Variants in SMIM5 observed in about 807,000 individuals in gnomAD.
SMIM5 encodes small integral membrane protein 5.
In SMIM5, 4 loss-of-function variants were observed where a neutral mutation model predicts 4.0. The ratio of observed to expected loss-of-function variants is 1.01; its 90% CI spans 0.50 to 2.30. The LOEUF is 2.30. Ranked by LOEUF, SMIM5 falls within the 30% of genes most tolerant of loss-of-function variation. SMIM5 has a pLI of 0.02. For missense variants in SMIM5, 107 were observed against 99.2 expected (o/e 1.08, Z -0.34); for synonymous variants, 46 against 43.6 (o/e 1.05, Z -0.22).
At chr17:75,635,690 T>C in intron 1 of SMIM5, 1 of 656,164 alleles carries the variant, frequency 1.5e-6, no homozygotes, top group Non-Finnish European at 1.9e-6. Context: ...TGCCTCCTTC[T>C]AGGTGGACCT....
Position 75,633,959 on chromosome 17 carries a change from G to A in SMIM5, c.-280G>A. On this transcript the variant is annotated 5_prime_UTR_variant, in exon 1 of 3. Coordinates refer to ENST00000375215, the MANE Select transcript of SMIM5 (RefSeq NM_001162995.3). ...CAGAGGTGAGGCACCGGGACATGAAGTTGGAGGACAAGTTCCCAAGCAGGG... is the reference window on the plus strand; with the variant it reads ...CAGAGGTGAGGCACCGGGACATGAAATTGGAGGACAAGTTCCCAAGCAGGG... 1.0e-6 allele frequency: 1 copy of A among 985,590 alleles called. No individual in the cohort carries two copies. The highest frequency in any genetic ancestry group is 1.2e-6 in the Non-Finnish European group (1 of 829,972). The allele number at this position is 985,590 out of a possible 1,614,324, so 61.1% of individuals were successfully genotyped here.
Position 75,641,049 on chromosome 17 carries a change from G to C in SMIM5, c.*152G>C. 7.3e-7 allele frequency: 1 copy of C among 1,365,584 alleles called. No individual in the cohort carries two copies. The allele number at this position is 1,365,584 out of a possible 1,614,324, so 84.6% of individuals were successfully genotyped here. A position where few individuals can be genotyped will look rare whatever the true frequency, so the allele number is the denominator to read the frequency against. ...CCAGGTACCTGGACACTGACAACTT[G>C]AGCCCTACCAAGGAAACAAGGGCTG... On this transcript the variant is annotated 3_prime_UTR_variant, in exon 3 of 3. Coordinates refer to ENST00000375215, the MANE Select transcript of SMIM5 (RefSeq NM_001162995.3).
Position 75,640,926 on chromosome 17 carries a change from G to A in SMIM5, c.*29G>A, listed in dbSNP as rs991006267. On this transcript the variant is annotated 3_prime_UTR_variant, in exon 3 of 3. Coordinates refer to ENST00000375215, the MANE Select transcript of SMIM5 (RefSeq NM_001162995.3). The surrounding 1 kb of genome is among the most constrained non-coding windows in gnomAD (Gnocchi z 4.6). ...ACGGGCGATGGCTGAGGAGAAGCTG[G>A]AGAGGAGATGGCCAATGCCATGACA... 6 of 1,538,024 alleles carry A rather than the reference G, an allele frequency of 3.9e-6. No individual in the cohort carries two copies. The highest frequency in any genetic ancestry group is 5.2e-6 in the Non-Finnish European group (6 of 1,145,856).
At position 75,640,999 on chromosome 17, in the gene SMIM5, C is replaced by T. The variant is rs1465815838; in HGVS notation, c.*102C>T. 2.0e-6 allele frequency: 3 copies of T among 1,485,116 alleles called. No homozygotes were observed. Among genetic ancestry groups the T allele is most frequent in the East Asian group, 2.5e-5 (1 of 39,954 alleles). The allele number at this position is 1,485,116 out of a possible 1,614,324, so 92.0% of individuals were successfully genotyped here. ...AGCCCTTACCCCTCAAGACCAGGCT[C>T]CCCTGGCCCCAGCTCTGGCCCAGCC... On this transcript the variant is annotated 3_prime_UTR_variant, in exon 3 of 3. Coordinates refer to ENST00000375215, the MANE Select transcript of SMIM5 (RefSeq NM_001162995.3). This position sits in a 1 kb window ranked among gnomAD's most constrained non-coding sequence, Gnocchi z 4.6.
intron 1 of SMIM5, chr17:75,638,073 G>C (rs2059361034): frequency 6.6e-6 from 1 of 152,210 alleles, no homozygotes; most frequent in South Asian, 2.1e-4. Context: ...ACTCACTCCA[G>C]GTGAGGTGTG....
rs556328743 is a variant in SMIM5, at chr17:75,634,125, C to G, written c.-114C>G. On this transcript the variant is annotated 5_prime_UTR_variant, in exon 1 of 3. Coordinates refer to ENST00000375215, the MANE Select transcript of SMIM5 (RefSeq NM_001162995.3). ...GCGCCCAGGGGAGCAGCGGCGCCCA[C>G]GAAGGAAGTACGAGGACAGCACGTG... 2.0e-6 allele frequency: 2 copies of G among 985,378 alleles called. No individual in the cohort carries two copies. The highest frequency in any genetic ancestry group is 3.5e-5 in the African/African-American group (2 of 57,240). The allele number at this position is 985,378 out of a possible 1,614,324, so 61.0% of individuals were successfully genotyped here.
chr17:75,635,693 G>T, intron 1 of SMIM5: 1 of 685,508 alleles, frequency 1.5e-6, no homozygotes. Flanking sequence ...CTCCTTCTAG[G>T]TGGACCTCAA....
chr17:75,640,927 A>G lies in SMIM5; in HGVS notation c.*30A>G. ...CGGGCGATGGCTGAGGAGAAGCTGG[A>G]GAGGAGATGGCCAATGCCATGACAC... On this transcript the variant is annotated 3_prime_UTR_variant, in exon 3 of 3. Coordinates refer to ENST00000375215, the MANE Select transcript of SMIM5 (RefSeq NM_001162995.3). This position sits in a 1 kb window ranked among gnomAD's most constrained non-coding sequence, Gnocchi z 4.6. The G allele has an allele frequency of 6.5e-7, 1 of 1,537,966 alleles. No individual in the cohort carries two copies. The highest frequency in any genetic ancestry group is 8.7e-7 in the Non-Finnish European group (1 of 1,145,812).
At position 75,640,066 on chromosome 17, in the gene SMIM5, T is replaced by C. The variant is rs1000333509; in HGVS notation, c.-36-100T>C. On this transcript the variant is annotated intron_variant, in intron 1 of 2. Coordinates refer to ENST00000375215, the MANE Select transcript of SMIM5 (RefSeq NM_001162995.3). This position sits in a 1 kb window ranked among gnomAD's most constrained non-coding sequence, Gnocchi z 4.6. Reference sequence around the variant, plus strand: ...TGCAATGTGTGAGACCTGACAAACTTGTTCTGCGGGCTGCGGATGGGTGCG... The same window carrying C: ...TGCAATGTGTGAGACCTGACAAACTCGTTCTGCGGGCTGCGGATGGGTGCG... 5 of 1,292,120 alleles carry C rather than the reference T, an allele frequency of 3.9e-6. No individual in the cohort carries two copies. In the African/African-American group the frequency reaches 4.5e-5, roughly 12 times the overall value. The allele number at this position is 1,292,120 out of a possible 1,614,324, so 80.0% of individuals were successfully genotyped here.
intron 1 of SMIM5, chr17:75,639,882 A>C (rs954341916): frequency 1.4e-5 from 4 of 277,936 alleles, no homozygotes; most frequent in Non-Finnish European, 2.7e-5. Context: ...AAGACAAGGG[A>C]ATGGAACAGC....
rs1412007664 is a variant in SMIM5, at chr17:75,640,503, G to A, written c.127+175G>A. 1.3e-5 allele frequency among the ~76,000 whole-genome samples: 2 copies of A among 152,130 alleles called. No homozygotes were observed. Among genetic ancestry groups the A allele is most frequent in the African/African-American group, 4.8e-5 (2 of 41,438 alleles). On this transcript the variant is annotated intron_variant, in intron 2 of 2. Transcript: ENST00000375215. This position sits in a 1 kb window ranked among gnomAD's most constrained non-coding sequence, Gnocchi z 4.6. ...CCCTCATCCTCTGATATGCTGCTTGGGTGATGGGCGGTGCTGGGGACTGGG... is the reference window on the plus strand; with the variant it reads ...CCCTCATCCTCTGATATGCTGCTTGAGTGATGGGCGGTGCTGGGGACTGGG...
In SMIM5 at chr17:75,640,145, G is replaced by T; in HGVS notation, c.-36-21G>T. 6.7e-7 allele frequency: 1 copy of T among 1,495,392 alleles called. No individual in the cohort carries two copies. Among genetic ancestry groups the T allele is most frequent in the South Asian group, 1.3e-5 (1 of 77,060 alleles). 92.6% of individuals were successfully genotyped at this position (1,495,392 alleles called of 1,614,324 possible). ...GTGGGGCCAGCCGTGGAGGCTCCAGGTGTTCTCTCTGCCCCAGCAGAGCCC... is the reference window on the plus strand; with the variant it reads ...GTGGGGCCAGCCGTGGAGGCTCCAGTTGTTCTCTCTGCCCCAGCAGAGCCC... On this transcript the variant is annotated intron_variant, in intron 1 of 2. Coordinates refer to ENST00000375215, the MANE Select transcript of SMIM5 (RefSeq NM_001162995.3). This position sits in a 1 kb window ranked among gnomAD's most constrained non-coding sequence, Gnocchi z 4.6.
At chr17:75,639,502 G>A (rs1231191386) in intron 1 of SMIM5, 1 of 152,236 alleles carries the variant, frequency 6.6e-6, no homozygotes, top group African/African-American at 2.4e-5. Context: ...TAGAGAAACA[G>A]ATGACGCCAG....
chr17:75,637,712 T>C (rs893648590), intron 1 of SMIM5: 2 of 152,296 alleles, frequency 1.3e-5, no homozygotes, highest in Admixed American at 6.5e-5. Context: ...GATCCACAAA[T>C]GTGGGCTGGG....
At position 75,633,459 on chromosome 17, in the gene SMIM5, C is replaced by T. The variant is rs1483470663; in HGVS notation, c.-780C>T. ...CACAGCCCCAGCAGAAGGCCCTCAC[C>T]TCACAAGGAACATGAGGCGCCTTGC... On this transcript the variant is annotated 5_prime_UTR_variant, in exon 1 of 3. Transcript: ENST00000375215. 1 of 1,289,068 alleles carries T rather than the reference C, an allele frequency of 7.8e-7. No individual in the cohort carries two copies. The highest frequency in any genetic ancestry group is 1.0e-6 in the Non-Finnish European group (1 of 988,652). The allele number at this position is 1,289,068 out of a possible 1,614,324, so 79.9% of individuals were successfully genotyped here.
intron 1 of SMIM5, chr17:75,638,299 G>A (rs1331979280): frequency 6.6e-6 from 1 of 152,144 alleles, no homozygotes; most frequent in African/African-American, 2.4e-5. Flanking sequence ...TGGCTAACAT[G>A]GTGAAATCCT....
In SMIM5 at chr17:75,636,947, G is replaced by A. The variant is rs1190927902; in HGVS notation, c.-37+2745G>A. The A allele has an allele frequency of 6.6e-6, 1 of 152,222 alleles. No homozygotes were observed. Among genetic ancestry groups the A allele is most frequent in the African/African-American group, 2.4e-5 (1 of 41,466 alleles). The allele number at this position is 152,222 out of a possible 1,614,324, so 9.4% of individuals were successfully genotyped here. Reference sequence around the variant, plus strand: ...CCAGTCAGCCCCCTAGGGAAGCCCTGGGCGCAAAGCTATGACACTGTCCAC... The same window carrying A: ...CCAGTCAGCCCCCTAGGGAAGCCCTAGGCGCAAAGCTATGACACTGTCCAC... On this transcript the variant is annotated intron_variant, in intron 1 of 2. Transcript: ENST00000375215. This position sits in a 1 kb window ranked among gnomAD's most constrained non-coding sequence, Gnocchi z 5.4.
In SMIM5 at chr17:75,641,262, C is replaced by G. The variant is rs1253049060; in HGVS notation, c.*365C>G. Reference sequence around the variant, plus strand: ...TGGGCAATTGGCCCTTGGGGCTCTGCTGATACATGCCAAAGAGGAGCAAGG... The same window carrying G: ...TGGGCAATTGGCCCTTGGGGCTCTGGTGATACATGCCAAAGAGGAGCAAGG... On this transcript the variant is annotated 3_prime_UTR_variant, in exon 3 of 3. Coordinates refer to ENST00000375215, the MANE Select transcript of SMIM5 (RefSeq NM_001162995.3). 4.9e-6 allele frequency: 1 copy of G among 204,728 alleles called. No homozygotes were observed. The highest frequency in any genetic ancestry group is 1.0e-5 in the Non-Finnish European group (1 of 98,276). 12.7% of individuals were successfully genotyped at this position (204,728 alleles called of 1,614,324 possible).
rs2059315424 is a variant in SMIM5 at position 75,636,025 on chromosome 17, CTGAG to C, written c.-37+1826_-37+1829del. ...TCCGGCTCTGCCAGCCTTCTCTGCC[CTGAG>C]TGTTTCCCCTGTGCTGACCGCTACT... is the stretch of plus-strand genomic sequence containing the variant. On this transcript the variant is annotated intron_variant, in intron 1 of 2. Transcript: ENST00000375215. The surrounding 1 kb of genome is among the most constrained non-coding windows in gnomAD (Gnocchi z 5.4). Among the ~76,000 whole-genome samples the C allele has an allele frequency of 6.6e-6, 1 of 152,246 alleles. No individual in the cohort carries two copies. The highest frequency in any genetic ancestry group is 1.5e-5 in the Non-Finnish European group (1 of 68,038).
Sources: gnomAD v4.1 joint callset for allele counts (sites outside exome capture counted in the v4.1 genomes callset) on GRCh38, gnomAD v4.1.1 for gene constraint, Gnocchi (gnomAD v3.1) non-coding constraint, MANE v1.5 for transcripts, NCBI Gene and HGNC (gene_info 2026-07-23, HGNC 2026-07-21) for gene names.